The following CLEC16A variants were observed in gnomAD, a reference collection of about 807,000 sequenced individuals.
The protein encoded by CLEC16A is protein CLEC16A.
In CLEC16A, 51 loss-of-function variants were observed where a neutral mutation model predicts 109.5. The observed-to-expected ratio is 0.47, with a 90% CI of 0.37 to 0.59. CLEC16A has a LOEUF of 0.59. Ranked by LOEUF, CLEC16A falls within the 20% of genes least tolerant of loss-of-function variation. The pLI is 0.00. For synonymous variants in CLEC16A, 673 were observed against 564.2 expected (o/e 1.19, Z -2.73); for missense variants, 1,339 against 1,394.0 (o/e 0.96, Z 0.63).
chr16:11,072,345 C>A (rs996975419), intron 19 of CLEC16A, among the ~76,000 whole-genome samples: 3 of 152,162 alleles, frequency 2.0e-5, no homozygotes, highest in African/African-American at 7.2e-5. Flanking sequence ...TCTCCAACTC[C>A]TGGCCTCAAG....
At chr16:11,037,252 G>T (rs562255435) in intron 13 of CLEC16A, among the ~76,000 whole-genome samples, 25 of 152,314 alleles carry the variant, frequency 1.6e-4, no homozygotes, top group African/African-American at 5.5e-4. Flanking sequence ...TGGGCTGGCT[G>T]TGTGGGTGCT....
At chr16:11,027,448 T>C in intron 13 of CLEC16A, 2 of 1,566,710 alleles carry the variant, frequency 1.3e-6, no homozygotes, top group Non-Finnish European at 1.7e-6. Flanking sequence ...ACCTGGGGAT[T>C]TCCAAATCTG....
At chr16:10,962,989 C>T (rs563980411) in intron 3 of CLEC16A, among the ~76,000 whole-genome samples, 2 of 151,950 alleles carry the variant, frequency 1.3e-5, no homozygotes, top group Non-Finnish European at 2.9e-5. Context: ...TCAAGGAAGT[C>T]GAGGTTGCAG....
chr16:10,982,461 T>G (rs1175291578), intron 9 of CLEC16A, among the ~76,000 whole-genome samples: 1 of 152,210 alleles, frequency 6.6e-6, no homozygotes, highest in Non-Finnish European at 1.5e-5. Context: ...CTCCGGCCCC[T>G]TCTTCTTGTA....
chr16:10,946,979 T>C (rs145290562), intron 1 of CLEC16A, among the ~76,000 whole-genome samples: 169 of 152,376 alleles, frequency 1.1e-3, no homozygotes, highest in African/African-American at 3.8e-3. Context: ...AGAACACTTT[T>C]GACTTGGCTG....
At chr16:10,986,038 TTTTTTTTTTTG>T (rs1430980330) in intron 10 of CLEC16A, among the ~76,000 whole-genome samples, 2 of 96,316 alleles carry the variant, frequency 2.1e-5, no homozygotes, top group African/African-American at 9.1e-5. Flanking sequence ...TTTTTTTTTT[TTTTTTTTTTTG>T]AGACTGAGTC....
chr16:11,092,148 C>G (rs1444330846), intron 19 of CLEC16A, among the ~76,000 whole-genome samples: 2 of 152,066 alleles, frequency 1.3e-5, no homozygotes, highest in Non-Finnish European at 2.9e-5. Context: ...GAGTTCGAGA[C>G]CAGCCTGGGC....
chr16:11,087,110 T>G (rs1167160855), intron 19 of CLEC16A, among the ~76,000 whole-genome samples: 10 of 152,264 alleles, frequency 6.6e-5, no homozygotes, highest in Non-Finnish European at 1.3e-4. Flanking sequence ...AAACTAAATA[T>G]GTATTTTCTC....
At chr16:10,995,310 C>T (rs980772420) in intron 10 of CLEC16A, among the ~76,000 whole-genome samples, 2 of 152,180 alleles carry the variant, frequency 1.3e-5, no homozygotes, top group South Asian at 4.1e-4. Context: ...ACTGAAACCA[C>T]GGTGGATGGG....
At chr16:11,121,928 A>C (rs1162261154) in intron 20 of CLEC16A, among the ~76,000 whole-genome samples, 1 of 151,756 alleles carries the variant, frequency 6.6e-6, no homozygotes, top group Non-Finnish European at 1.5e-5. Context: ...GTGATAGATA[A>C]CTAGTACCAG....
intron 19 of CLEC16A, chr16:11,066,390 G>A (rs2048758571): frequency 1.3e-5 from 2 of 152,714 alleles, no homozygotes; most frequent in Admixed American, 1.3e-4. Flanking sequence ...GGGCAGTCCA[G>A]GGGGCAGGGG....
At chr16:11,177,847 A>T in intron 23 of CLEC16A, among the ~76,000 whole-genome samples, 1 of 148,884 alleles carries the variant, frequency 6.7e-6, no homozygotes, top group African/African-American at 2.5e-5. Context: ...GTTCTACAGA[A>T]TTTCCTTTTT....
At chr16:11,111,295 A>G (rs550151435) in intron 19 of CLEC16A, among the ~76,000 whole-genome samples, 10 of 152,240 alleles carry the variant, frequency 6.6e-5, no homozygotes, top group African/African-American at 2.2e-4. Flanking sequence ...TCTGCTCCAC[A>G]TGGCATCAGC....
intron 1 of CLEC16A, among the ~76,000 whole-genome samples, chr16:10,953,944 T>A (rs2041859861): frequency 6.8e-6 from 1 of 147,412 alleles, no homozygotes; most frequent in Non-Finnish European, 1.5e-5. Context: ...ACCACTGCAC[T>A]CCAGCCTGGG....
At chr16:11,073,813 G>A (rs1465780389) in intron 19 of CLEC16A, among the ~76,000 whole-genome samples, 4 of 152,350 alleles carry the variant, frequency 2.6e-5, no homozygotes, top group South Asian at 4.2e-4. Flanking sequence ...GACACTCAAG[G>A]CTTCTTGGAT....
chr16:11,137,056 T>TTCTAC (rs1294080436), intron 22 of CLEC16A, among the ~76,000 whole-genome samples: 2 of 152,240 alleles, frequency 1.3e-5, no homozygotes, highest in African/African-American at 4.8e-5. Flanking sequence ...TCTTGCTGTA[T>TTCTAC]TCTACTCCAT....
Position 11,125,981 on chromosome 16 carries a change from C to G in CLEC16A, c.2476C>G (p.Leu826Val). 1 of 1,574,932 alleles carries G rather than the reference C, an allele frequency of 6.3e-7. No individual in the cohort carries two copies. The highest frequency in any genetic ancestry group is 8.6e-7 in the Non-Finnish European group (1 of 1,157,480). The change falls in exon 22 of 24, where the codon CTC (leucine) becomes GTC (valine). Residue 826 changes from leucine (L) to valine (V), a missense_variant and splice_region_variant. This residue lies in a region of CLEC16A where 1,061 missense variants were observed against 1,006.8 expected (regional missense o/e 1.05). Transcript: ENST00000409790. ...RRMKMQRIAA[L>V]LDLPIQPTTE... ...ACCATGCTATTGTTTGACCGTAGCC[C>G]TCCTGGACCTCCCAATCCAGCCCAC... is the stretch of plus-strand genomic sequence containing the variant.
chr16:11,173,916 T>C (rs931860145), intron 23 of CLEC16A, among the ~76,000 whole-genome samples: 2 of 152,020 alleles, frequency 1.3e-5, no homozygotes, highest in Non-Finnish European at 2.9e-5. Flanking sequence ...GTGAACAATT[T>C]GGTTCTCAGC....
intron 19 of CLEC16A, among the ~76,000 whole-genome samples, chr16:11,107,447 G>A (rs1378368120): frequency 6.6e-6 from 1 of 152,194 alleles, no homozygotes; most frequent in Non-Finnish European, 1.5e-5. Context: ...AGCTGTTGCT[G>A]GGTTGATGGA....
Sources: gnomAD v4.1 joint callset for allele counts (sites outside exome capture counted in the v4.1 genomes callset) on GRCh38, gnomAD v4.1.1 for gene constraint, gnomAD v4.1.1 regional missense constraint, MANE v1.5 for transcripts, NCBI Gene and HGNC (gene_info 2026-07-23, HGNC 2026-07-21) for gene names.